The following NYAP2 variants were observed in gnomAD, a reference collection of about 807,000 sequenced individuals.
NYAP2 encodes the protein neuronal tyrosine-phosphorylated phosphoinositide-3-kinase adaptor 2.
Under a neutral mutation model 50.4 loss-of-function variants are expected in NYAP2, and 23 were observed. The ratio of observed to expected loss-of-function variants is 0.46; its 90% CI spans 0.33 to 0.65. The LOEUF is 0.65. Among genes scored for constraint, NYAP2 ranks in the 30% least tolerant of loss-of-function variants. NYAP2 has a pLI of 0.02. For synonymous variants in NYAP2, 394 were observed against 365.2 expected (o/e 1.08, Z -0.90); for missense variants, 885 against 861.0 (o/e 1.03, Z -0.35).
chr2:225,555,289 T>G (rs372568055), intron 4 of NYAP2, among the ~76,000 whole-genome samples: 1 of 152,196 alleles, frequency 6.6e-6, no homozygotes, highest in Non-Finnish European at 1.5e-5. Flanking sequence ...TCTGTGCACC[T>G]GAGTTGGGTT....
intron 4 of NYAP2, among the ~76,000 whole-genome samples, chr2:225,545,435 AC>A (rs1177334718): frequency 6.6e-6 from 1 of 151,880 alleles, no homozygotes; most frequent in Non-Finnish European, 1.5e-5. Flanking sequence ...ATTTGAGCTC[AC>A]TAATTCTTCT....
At chr2:225,696,820 C>T in the NYAP2 span, among the ~76,000 whole-genome samples, 1 of 152,046 alleles carries the variant, frequency 6.6e-6, no homozygotes, top group African/African-American at 2.4e-5. Context: ...GGCTCTGTAA[C>T]TTTGGGAGAG....
chr2:225,658,433 T>A (rs1179057636), downstream of NYAP2, among the ~76,000 whole-genome samples: 1 of 152,202 alleles, frequency 6.6e-6, no homozygotes, highest in African/African-American at 2.4e-5. Flanking sequence ...AAAGAAATTA[T>A]GCTACAAAGA....
At chr2:225,654,661 G>A (rs144393340), downstream of NYAP2, among the ~76,000 whole-genome samples, 3,807 of 152,124 alleles carry the variant, frequency 0.025, 178 homozygotes, top group African/African-American at 0.087. Context: ...TCCACCCTGG[G>A]CAACAGAGTT....
intron 4 of NYAP2, among the ~76,000 whole-genome samples, chr2:225,545,843 T>C (rs1691571227): frequency 6.6e-6 from 1 of 152,158 alleles, no homozygotes; most frequent in African/African-American, 2.4e-5. Flanking sequence ...TGGAAAGACT[T>C]TCTAGGTATT....
chr2:225,465,631 G>C (rs1049061137), intron 3 of NYAP2, among the ~76,000 whole-genome samples: 5 of 152,106 alleles, frequency 3.3e-5, no homozygotes, highest in Non-Finnish European at 7.4e-5. Flanking sequence ...CAGGAGAATC[G>C]AGTGAACCCG....
At chr2:225,551,691 T>G (rs1284659254) in intron 4 of NYAP2, among the ~76,000 whole-genome samples, 1 of 152,200 alleles carries the variant, frequency 6.6e-6, no homozygotes. Context: ...GCCAGTATAT[T>G]AAGGCCTAAG....
At chr2:225,571,645 G>T (rs942166536) in intron 4 of NYAP2, among the ~76,000 whole-genome samples, 4 of 152,154 alleles carry the variant, frequency 2.6e-5, no homozygotes, top group South Asian at 2.1e-4. Flanking sequence ...GAGCAGGGGG[G>T]CCCTGGCTCC....
chr2:225,671,184 T>C, the NYAP2 span, among the ~76,000 whole-genome samples: 1 of 152,150 alleles, frequency 6.6e-6, no homozygotes, highest in Non-Finnish European at 1.5e-5. Flanking sequence ...TTTTTTCTTT[T>C]TCCCTCCTTT....
the NYAP2 span, among the ~76,000 whole-genome samples, chr2:225,671,099 A>T: frequency 6.5e-4 from 99 of 152,226 alleles, 1 homozygote; most frequent in African/African-American, 2.2e-3. Context: ...TTAAAATAGG[A>T]CAACAGCAAA....
At chr2:225,486,781 G>A (rs1395315837) in intron 3 of NYAP2, among the ~76,000 whole-genome samples, 1 of 152,130 alleles carries the variant, frequency 6.6e-6, no homozygotes, top group South Asian at 2.1e-4. Context: ...TCCCTTCACA[G>A]TTCAACCTCC....
At chr2:225,703,403 CT>C in the NYAP2 span, 252 of 151,736 alleles carry the variant, frequency 1.7e-3, no homozygotes, top group African/African-American at 5.4e-3. Context: ...ACAGATTTCT[CT>C]ACTCATGTGT....
intron 3 of NYAP2, among the ~76,000 whole-genome samples, chr2:225,458,151 T>C (rs904766619): frequency 1.3e-5 from 2 of 152,164 alleles, no homozygotes; most frequent in Non-Finnish European, 2.9e-5. Flanking sequence ...ACATTTTCTT[T>C]AATGATTTTT....
chr2:225,703,639 G>A, the NYAP2 span: 1 of 151,720 alleles, frequency 6.6e-6, no homozygotes, highest in Non-Finnish European at 1.5e-5. Flanking sequence ...TATAATAAAA[G>A]CAATAGTTTA....
intron 4 of NYAP2, among the ~76,000 whole-genome samples, chr2:225,550,194 C>T (rs185887813): frequency 1.3e-5 from 2 of 152,152 alleles, no homozygotes; most frequent in Admixed American, 6.5e-5. Flanking sequence ...AAACATTTCT[C>T]ATCAGTAAAT....
At chr2:225,435,010 A>G (rs796663262) in intron 3 of NYAP2, among the ~76,000 whole-genome samples, 35 of 152,346 alleles carry the variant, frequency 2.3e-4, no homozygotes, top group African/African-American at 8.4e-4. Context: ...GCCAAGCCTG[A>G]AAAGTGTCCT....
In NYAP2 at chr2:225,640,571, G is replaced by A. The variant is rs553761880; in HGVS notation, c.1829-10861G>A. On this transcript the variant is annotated intron_variant, in intron 6 of 6. Coordinates refer to ENST00000636099, the Ensembl canonical transcript of NYAP2. ...AGTCTTTGCTGCTTTGTGAAATTTC[G>A]TCAAACCCTTTGTGTTCTTATTCCC... Among the ~76,000 whole-genome samples, 348 of 152,158 alleles carry A rather than the reference G, an allele frequency of 2.3e-3. 2 individuals carry two copies. The highest frequency in any genetic ancestry group is 7.9e-3 in the African/African-American group (329 of 41,524).
intron 3 of NYAP2, among the ~76,000 whole-genome samples, chr2:225,426,439 C>T (rs1263716684): frequency 6.6e-6 from 1 of 152,196 alleles, no homozygotes; most frequent in Non-Finnish European, 1.5e-5. Context: ...GTACCCACAA[C>T]ATGAGGGCAG....
At chr2:225,417,314 T>C (rs1210579921) in intron 3 of NYAP2, among the ~76,000 whole-genome samples, 1 of 152,178 alleles carries the variant, frequency 6.6e-6, no homozygotes, top group Non-Finnish European at 1.5e-5. Context: ...AATGTCTTCA[T>C]TATACATGTG....
Sources: allele counts gnomAD v4.1 joint callset (sites outside exome capture counted in the v4.1 genomes callset), GRCh38; gene constraint gnomAD v4.1.1; transcripts MANE v1.5; gene names NCBI Gene and HGNC (gene_info 2026-07-23, HGNC 2026-07-21).